The following FOXN1 variants were observed in gnomAD, a reference collection of about 807,000 sequenced individuals.
FOXN1 encodes the protein forkhead box N1, also known as forkhead box protein N1.
FOXN1 carries 15 observed loss-of-function variants against 49.0 expected under a neutral mutation model. That is an observed-to-expected ratio of 0.31 (90% CI 0.20 to 0.47). FOXN1 has a LOEUF of 0.47. FOXN1 is among the 20% of genes least tolerant of loss of function. The pLI is 1.00. For missense variants in FOXN1, 800 were observed against 842.8 expected, an observed-to-expected ratio of 0.95 and a Z score of 0.63; for synonymous variants, 356 against 369.0, an observed-to-expected ratio of 0.96 and a Z score of 0.40.
chr17:28,524,861 T>A lies in FOXN1; in HGVS notation c.482T>A (p.Ile161Asn). 1 of 1,613,704 alleles carries A rather than the reference T, an allele frequency of 6.2e-7. No individual in the cohort carries two copies. The change falls in exon 3 of 9, where the codon ATC becomes AAC. Residue 161 changes from isoleucine to asparagine, a missense_variant. By Grantham distance (149) the Ile-to-Asn change is moderately radical. Around this residue, in one of 3 missense-constraint regions of FOXN1, gnomAD observed 383 missense variants for 357.9 expected, o/e 1.07. Coordinates refer to ENST00000579795, the MANE Select transcript of FOXN1 (RefSeq NM_001369369.1). ...GGGCCGCTGGAGGCCTTCGAGGAGA[T>A]CCCAGTGGACGTGGCGGAGGCCGAG... ...TPGPLEAFEE[I>N]PVDVAEAEAF...
intron 6 of FOXN1, among the ~76,000 whole-genome samples, chr17:28,532,171 A>G (rs536126288): frequency 1.6e-4 from 23 of 147,400 alleles, no homozygotes; most frequent in Non-Finnish European, 3.0e-4. Context: ...CCTGGCCCCC[A>G]CCCCTCCCCG....
chr17:28,529,119 C>G lies in FOXN1; in HGVS notation c.725C>G (p.Pro242Arg), dbSNP rs748116782. The G allele has an allele frequency of 6.2e-7, 1 of 1,614,156 alleles. No individual in the cohort carries two copies. Among genetic ancestry groups the G allele is most frequent in the Non-Finnish European group, 8.5e-7 (1 of 1,180,020 alleles). Residue 242 changes from proline to arginine, a missense_variant, in exon 5 of 9, where the codon CCC (proline) becomes CGC (arginine). Around this residue, in one of 3 missense-constraint regions of FOXN1, gnomAD observed 383 missense variants for 357.9 expected, o/e 1.07. Transcript: ENST00000579795. Reference sequence around the variant, plus strand: ...TACTCGCCAGGTGGTGGCAGCTACCCCATACCCTACCTGGGCTCCTCACAC... The same window carrying G: ...TACTCGCCAGGTGGTGGCAGCTACCGCATACCCTACCTGGGCTCCTCACAC... ...HQYSPGGGSY[P>R]IPYLGSSHYQ...
intron 1 of FOXN1, among the ~76,000 whole-genome samples, chr17:28,513,367 A>G (rs534308149): frequency 7.7e-4 from 117 of 152,330 alleles, no homozygotes; most frequent in Middle Eastern, 3.4e-3. Flanking sequence ...CACTACAGAT[A>G]CTCACAGAAA....
chr17:28,533,920 G>A (rs1343486524), intron 6 of FOXN1, among the ~76,000 whole-genome samples: 4 of 152,156 alleles, frequency 2.6e-5, no homozygotes, highest in African/African-American at 9.7e-5. Flanking sequence ...CAAGACCTCA[G>A]AGTAATGAGT....
At position 28,524,755 on chromosome 17, in the gene FOXN1, T is replaced by C. The variant is rs1597551569; in HGVS notation, c.376T>C (p.Tyr126His). 2 of 1,613,320 alleles carry C rather than the reference T, an allele frequency of 1.2e-6. No homozygotes were observed. Among genetic ancestry groups the C allele is most frequent in the Non-Finnish European group, 1.7e-6 (2 of 1,179,774 alleles). ...LKGSHAPFHP[Y>H]KRPFHEDVFP... ...GGGCAGCCACGCGCCCTTCCACCCG[T>C]ACAAGCGGCCTTTCCATGAGGACGT... The change falls in exon 3 of 9, where the codon TAC (tyrosine) becomes CAC (histidine). Residue 126 changes from tyrosine (Y) to histidine (H), a missense_variant. Tyr to His is a moderately conservative substitution (Grantham distance 83). Transcript: ENST00000579795.
In FOXN1 at chr17:28,538,434, A is replaced by G. The variant is rs2070123986; in HGVS notation, c.*998A>G. The G allele has an allele frequency of 6.6e-6, 1 of 152,246 alleles. No individual in the cohort carries two copies. Among genetic ancestry groups the G allele is most frequent in the Non-Finnish European group, 1.5e-5 (1 of 68,042 alleles). The allele number at this position is 152,246 out of a possible 1,614,324, so 9.4% of individuals were successfully genotyped here. On this transcript the variant is annotated 3_prime_UTR_variant, in exon 9 of 9. Transcript: ENST00000579795. Reference sequence around the variant, plus strand: ...ATGTTCCTCGACTTAGGATGCGGTTATGTCCGATAAACCCATTGTAAATTG... The same window carrying G: ...ATGTTCCTCGACTTAGGATGCGGTTGTGTCCGATAAACCCATTGTAAATTG...
intron 1 of FOXN1, among the ~76,000 whole-genome samples, chr17:28,511,450 C>G (rs1358464964): frequency 6.6e-6 from 1 of 152,096 alleles, no homozygotes; most frequent in African/African-American, 2.4e-5. Flanking sequence ...AGGACGAGGG[C>G]CCTCTTGACC....
intron 3 of FOXN1, 80 bp downstream of exon 3, chr17:28,525,047 G>A: frequency 1.8e-6 from 2 of 1,121,116 alleles, no homozygotes; most frequent in Non-Finnish European, 2.6e-6. Flanking sequence ...AGACCTCTGA[G>A]ACCAAAGTCC....
Position 28,534,517 on chromosome 17 carries a change from C to T in FOXN1, c.1114C>T (p.Arg372Cys), listed in dbSNP as rs750434623. 16 of 1,612,912 alleles carry T rather than the reference C, an allele frequency of 9.9e-6. No individual in the cohort carries two copies. The highest frequency in any genetic ancestry group is 1.3e-5 in the African/African-American group (1 of 74,590). Residue 372 changes from arginine (R) to cysteine (C), a missense_variant, in exon 7 of 9, where the codon CGC becomes TGC. Arg to Cys is a radical substitution (Grantham distance 180). Coordinates refer to ENST00000579795, the MANE Select transcript of FOXN1 (RefSeq NM_001369369.1). This position sits in a 1 kb window ranked among gnomAD's most constrained non-coding sequence, Gnocchi z 4.1. ...KWKRKDPIAVRKSMAKPEELD... is the reference protein window; with the variant it reads ...KWKRKDPIAVCKSMAKPEELD... ...GAAGAGGAAAGATCCCATTGCTGTG[C>T]GCAAAAGCATGGCCAAGCCAGGTGA...
chr17:28,529,289 G>C, intron 5 of FOXN1, 65 bp downstream of exon 5: 1 of 1,589,750 alleles, frequency 6.3e-7, no homozygotes. Context: ...GGAACACTGA[G>C]GCATGGAATC....
rs984642867 is a variant in FOXN1, at chr17:28,538,271, C to T, written c.*835C>T. 3.9e-5 allele frequency: 6 copies of T among 152,178 alleles called. No homozygotes were observed. The highest frequency in any genetic ancestry group is 1.2e-4 in the African/African-American group (5 of 41,414). The allele number at this position is 152,178 out of a possible 1,614,324, so 9.4% of individuals were successfully genotyped here. A position where few individuals can be genotyped will look rare whatever the true frequency, so the allele number is the denominator to read the frequency against. ...CCAGTCCCGGGTGCAGGAAGGGCCC[C>T]CTCCAGGTCACCACAATCTCACTCC... On this transcript the variant is annotated 3_prime_UTR_variant, in exon 9 of 9. Coordinates refer to ENST00000579795, the MANE Select transcript of FOXN1 (RefSeq NM_001369369.1).
chr17:28,515,115 C>T (rs1302821191), intron 1 of FOXN1, among the ~76,000 whole-genome samples: 1 of 152,092 alleles, frequency 6.6e-6, no homozygotes, highest in African/African-American at 2.4e-5. Flanking sequence ...TGTAAAAACT[C>T]AGCCAAGTCT....
At chr17:28,532,587 C>G (rs1764848200) in intron 6 of FOXN1, among the ~76,000 whole-genome samples, 1 of 152,216 alleles carries the variant, frequency 6.6e-6, no homozygotes, top group Admixed American at 6.5e-5. Flanking sequence ...TGTGACCCAC[C>G]TAAGGAAATT....
chr17:28,530,948 G>A (rs764360128), intron 6 of FOXN1, 103 bp downstream of exon 6: 153 of 760,262 alleles, frequency 2.0e-4, no homozygotes, highest in Non-Finnish European at 3.1e-4. Context: ...GAATTAGAAC[G>A]AAAGCCAGGA....
rs774493152 is a variant in FOXN1 at position 28,534,869 on chromosome 17, T to C, written c.1298T>C (p.Ile433Thr). The C allele has an allele frequency of 6.2e-7, 1 of 1,613,852 alleles. No homozygotes were observed. Among genetic ancestry groups the C allele is most frequent in the Non-Finnish European group, 8.5e-7 (1 of 1,179,922 alleles). The change falls in exon 8 of 9, where the codon ATT becomes ACT. Residue 433 changes from isoleucine (I) to threonine (T), a missense_variant. Ile to Thr is a moderately conservative substitution (Grantham distance 89). Transcript: ENST00000579795. The surrounding 1 kb of genome is among the most constrained non-coding windows in gnomAD (Gnocchi z 4.1). ...TCACTCCACCCAGCTCCAGGCCCCATTCCTGGCAAGAACCCCCTGCAGGAC... is the reference window on the plus strand; with the variant it reads ...TCACTCCACCCAGCTCCAGGCCCCACTCCTGGCAAGAACCCCCTGCAGGAC... Reference protein sequence around the residue: ...LHSLHPAPGPIPGKNPLQDLL... With the variant: ...LHSLHPAPGPTPGKNPLQDLL...
chr17:28,530,889 G>A, intron 6 of FOXN1, 44 bp downstream of exon 6: 1 of 1,089,868 alleles, frequency 9.2e-7, no homozygotes, highest in Non-Finnish European at 1.4e-6. Flanking sequence ...CCAAGTCCTG[G>A]ACAGGCCAGG....
Position 28,509,816 on chromosome 17 carries a change from C to T in FOXN1, c.-15+3373C>T, listed in dbSNP as rs139075395. 4.6e-5 allele frequency among the ~76,000 whole-genome samples: 7 copies of T among 152,254 alleles called. No homozygotes were observed. In the East Asian group the frequency reaches 9.6e-4, roughly 21 times the overall value. ...GCAGGCTTTCTCAGGGGGCTGGGAG[C>T]GTAACTGATCCTATCAGGCATGGCG... is the stretch of plus-strand genomic sequence containing the variant. On this transcript the variant is annotated intron_variant, in intron 1 of 8. Coordinates refer to ENST00000579795, the MANE Select transcript of FOXN1 (RefSeq NM_001369369.1).
intron 1 of FOXN1, among the ~76,000 whole-genome samples, chr17:28,509,983 C>G (rs899359579): frequency 1.1e-4 from 16 of 152,138 alleles, no homozygotes; most frequent in African/African-American, 3.9e-4. Context: ...TTCGCTGAAT[C>G]GTGATCTCTT....
Position 28,507,123 on chromosome 17 carries a change from T to C in FOXN1, c.-15+680T>C, listed in dbSNP as rs8072141. 8.4e-3 allele frequency among the ~76,000 whole-genome samples: 1,277 copies of C among 152,106 alleles called. 12 individuals carry two copies. Among genetic ancestry groups the C allele is most frequent in the African/African-American group, 0.027 (1,122 of 41,544 alleles). ...CCGCAAGACCCCTAAGGCAGAGTCCTGGTGAGCAGAGCTGGGCCAGGCAGG... is the reference window on the plus strand; with the variant it reads ...CCGCAAGACCCCTAAGGCAGAGTCCCGGTGAGCAGAGCTGGGCCAGGCAGG... On this transcript the variant is annotated intron_variant, in intron 1 of 8. Coordinates refer to ENST00000579795, the MANE Select transcript of FOXN1 (RefSeq NM_001369369.1).
Sources: gnomAD v4.1 joint callset for allele counts (sites outside exome capture counted in the v4.1 genomes callset) on GRCh38, gnomAD v4.1.1 for gene constraint, gnomAD v4.1.1 regional missense constraint, Gnocchi (gnomAD v3.1) non-coding constraint, MANE v1.5 for transcripts, NCBI Gene and HGNC (gene_info 2026-07-23, HGNC 2026-07-21) for gene names.